CFAP46: variants seen among roughly 807,000 people sequenced by gnomAD.
The protein encoded by CFAP46 is cilia- and flagella-associated protein 46.
A neutral mutation model predicts 325.7 loss-of-function variants in CFAP46; 245 were observed. The ratio of observed to expected loss-of-function variants is 0.75; its 90% CI spans 0.68 to 0.84. The LOEUF is 0.84. CFAP46 is among the 40% of genes least tolerant of loss of function. The probability of loss-of-function intolerance (pLI) is 0.00; values close to 1 mark genes in which losing one functional copy is unlikely to be tolerated. For synonymous variants in CFAP46, 1,523 were observed against 1,495.9 expected (o/e 1.02, Z -0.42); for missense variants, 3,346 against 3,543.0 (o/e 0.94, Z 1.41).
At chr10:132,912,530 TCTCTC>T (rs1226823559) in intron 19 of CFAP46, 120 bp downstream of exon 19, 1 of 697,212 alleles carries the variant, frequency 1.4e-6, no homozygotes, top group South Asian at 2.3e-5. Context: ...TCTCTTCACC[TCTCTC>T]CTCTCCTCTC....
At chr10:132,837,043 G>A in intron 44 of CFAP46, 129 bp from the exon 45 acceptor site, 1 of 702,342 alleles carries the variant, frequency 1.4e-6, no homozygotes, top group Non-Finnish European at 2.4e-6. Flanking sequence ...CCTGCCCGAG[G>A]CTGGGCCCTT....
At position 132,885,235 on chromosome 10, in the gene CFAP46, A is replaced by G. The variant is rs923136943; in HGVS notation, c.3495T>C (p.Phe1165=). 1.4e-5 allele frequency: 21 copies of G among 1,550,274 alleles called. No homozygotes were observed. Among genetic ancestry groups the G allele is most frequent in the Non-Finnish European group, 1.8e-5 (21 of 1,146,916 alleles). ...VIVKAKLGQN[F]SMEIQKFKAE... ...CCTTGAATTTCTGTATTTCCATCGAAAAATTCTGCCCGAGCTTGGCCTTCA... is the reference window on the plus strand; with the variant it reads ...CCTTGAATTTCTGTATTTCCATCGAGAAATTCTGCCCGAGCTTGGCCTTCA... Residue 1165 remains phenylalanine, a synonymous_variant, in exon 27 of 58, where the codon TTT becomes TTC. Coordinates refer to ENST00000368586, the MANE Select transcript of CFAP46 (RefSeq NM_001200049.3).
Position 132,837,632 on chromosome 10 carries a change from GAC to G in CFAP46, c.6439-720_6439-719del, listed in dbSNP as rs201327070. Reference sequence around the variant, plus strand: ...ACGCACACGTACACAGACATGCACGGACACACACGCACACGTACACAGATGCA... The same window carrying G: ...ACGCACACGTACACAGACATGCACGGACACACGCACACGTACACAGATGCA... On this transcript the variant is annotated intron_variant, in intron 44 of 57. Coordinates refer to ENST00000368586, the MANE Select transcript of CFAP46 (RefSeq NM_001200049.3). 1.7e-3 allele frequency among the ~76,000 whole-genome samples: 172 copies of G among 98,350 alleles called. 4 individuals are homozygous for G. The highest frequency in any genetic ancestry group is 8.5e-3 in the East Asian group (27 of 3,176). The allele number at this position is 98,350 out of a possible 152,430, so 64.5% of individuals were successfully genotyped here.
At chr10:132,880,741 C>A in intron 28 of CFAP46, 120 bp downstream of exon 28, 1 of 1,231,028 alleles carries the variant, frequency 8.1e-7, no homozygotes, top group East Asian at 2.6e-5. Context: ...GTCAGGGGCT[C>A]CTGGCCTCCA....
At chr10:132,820,516 G>GCTGATGTGTGCTGTGTGTGCA in intron 50 of CFAP46, among the ~76,000 whole-genome samples, 6 of 147,184 alleles carry the variant, frequency 4.1e-5, no homozygotes, top group East Asian at 4.0e-4. Flanking sequence ...TGCTGTGAGT[G>GCTGATGTGTGCTGTGTGTGCA]CTGATGTGTG....
In CFAP46 at chr10:132,929,688, G is replaced by T; in HGVS notation, c.966+17C>A. On this transcript the variant is annotated intron_variant, in intron 9 of 57. Coordinates refer to ENST00000368586, the MANE Select transcript of CFAP46 (RefSeq NM_001200049.3). The stretch of plus-strand genomic sequence containing the variant: ...CAGCGCCTCATCCCCAGGCAGCAGT[G>T]TCATGAAGCCACTTACTTTGCTTTC... 1 of 1,608,464 alleles carries T rather than the reference G, an allele frequency of 6.2e-7. No individual in the cohort carries two copies. Among genetic ancestry groups the T allele is most frequent in the Non-Finnish European group, 8.5e-7 (1 of 1,174,954 alleles).
chr10:132,909,456 G>A (rs1411998831), intron 20 of CFAP46, among the ~76,000 whole-genome samples: 9 of 152,232 alleles, frequency 5.9e-5, no homozygotes, highest in Non-Finnish European at 1.2e-4. Flanking sequence ...GCCCCCATGT[G>A]TGAGGCAGCC....
intron 29 of CFAP46, among the ~76,000 whole-genome samples, chr10:132,878,605 C>T (rs575712139): frequency 6.6e-6 from 1 of 152,198 alleles, no homozygotes; most frequent in East Asian, 1.9e-4. Flanking sequence ...ATGAGAATAA[C>T]ATTGAGCAAT....
intron 46 of CFAP46, 83 bp from the exon 47 acceptor site, chr10:132,835,517 G>A (rs1291887718): frequency 1.3e-6 from 2 of 1,542,334 alleles, no homozygotes; most frequent in African/African-American, 1.4e-5. Flanking sequence ...ACTGGGAAAA[G>A]GGCTGCTGTC....
Position 132,938,507 on chromosome 10 carries a change from C to A in CFAP46, c.536+82G>T, listed in dbSNP as rs1219331957. The stretch of plus-strand genomic sequence containing the variant: ...CCCAGTGATGTGGAACTCCCGTCCC[C>A]CCCCCGGAGAAGGGGTGGTGGCCTC... On this transcript the variant is annotated intron_variant, in intron 5 of 57. Coordinates refer to ENST00000368586, the MANE Select transcript of CFAP46 (RefSeq NM_001200049.3). 5 of 1,364,716 alleles carry A rather than the reference C, an allele frequency of 3.7e-6. No homozygotes were observed. In the East Asian group the frequency reaches 9.2e-5, roughly 25 times the overall value. The allele number at this position is 1,364,716 out of a possible 1,614,324, so 84.5% of individuals were successfully genotyped here.
chr10:132,859,520 C>A (rs147772925), intron 37 of CFAP46, among the ~76,000 whole-genome samples: 3 of 151,540 alleles, frequency 2.0e-5, no homozygotes, highest in African/African-American at 7.3e-5. Context: ...AGTATCCAGG[C>A]GGAAATTCAA....
chr10:132,831,363 G>A (rs1340403493), intron 50 of CFAP46, among the ~76,000 whole-genome samples: 2 of 151,998 alleles, frequency 1.3e-5, no homozygotes, highest in South Asian at 2.1e-4. Context: ...AGCCATCCTC[G>A]GGTACGTCTT....
intron 3 of CFAP46, 67 bp downstream of exon 3, chr10:132,941,523 CT>C: frequency 6.4e-7 from 1 of 1,557,254 alleles, no homozygotes; most frequent in Non-Finnish European, 8.7e-7. Context: ...CTGGTCTAGC[CT>C]GGCATTGCTC....
chr10:132,926,322 G>A (rs1007052437), intron 10 of CFAP46, among the ~76,000 whole-genome samples: 3 of 152,290 alleles, frequency 2.0e-5, no homozygotes, highest in Admixed American at 6.5e-5. Flanking sequence ...AGAGGGAGTC[G>A]CATCCCAGCC....
At position 132,827,685 on chromosome 10, in the gene CFAP46, C is replaced by T. The variant is rs996857370; in HGVS notation, c.7117+5673G>A. Among the ~76,000 whole-genome samples, 1 of 152,002 alleles carries T rather than the reference C, an allele frequency of 6.6e-6. No individual in the cohort carries two copies. Among genetic ancestry groups the T allele is most frequent in the Non-Finnish European group, 1.5e-5 (1 of 68,012 alleles). On this transcript the variant is annotated intron_variant, in intron 50 of 57. Transcript: ENST00000368586. This position sits in a 1 kb window ranked among gnomAD's most constrained non-coding sequence, Gnocchi z 5.7. ...GCACGCCAGCAAGTCATCGCCACAG[C>T]GAAGGTCACGGCACACCCAGCCCCA...
chr10:132,890,555 G>C (rs1039701060), intron 25 of CFAP46, among the ~76,000 whole-genome samples: 2 of 152,086 alleles, frequency 1.3e-5, no homozygotes, highest in South Asian at 2.1e-4. Context: ...CCAGAGGAGC[G>C]GGTAGGGATT....
At position 132,912,765 on chromosome 10, in the gene CFAP46, T is replaced by A. The variant is rs1294973121; in HGVS notation, c.2389A>T (p.Ser797Cys). The change falls in exon 19 of 58, where the codon AGC (serine) becomes TGC (cysteine). Residue 797 changes from serine to cysteine, a missense_variant. By Grantham distance (112) the Ser-to-Cys change is moderately radical (BLOSUM62 -1). Coordinates refer to ENST00000368586, the MANE Select transcript of CFAP46 (RefSeq NM_001200049.3). ...CNTLARGLII[S>C]WIPVQAAEKS... ...TCGGCAGCCTGGACTGGAATCCAGCTGATGATCAGGCCTCGCGCCAAGGTG... is the reference window on the plus strand; with the variant it reads ...TCGGCAGCCTGGACTGGAATCCAGCAGATGATCAGGCCTCGCGCCAAGGTG... 1.9e-6 allele frequency: 3 copies of A among 1,550,322 alleles called. No homozygotes were observed. The highest frequency in any genetic ancestry group is 1.7e-6 in the Non-Finnish European group (2 of 1,146,994).
At position 132,847,124 on chromosome 10, in the gene CFAP46, A is replaced by G. The variant is rs1410723554; in HGVS notation, c.6088-13T>C. ...GAACCATCCTCCTCTGTGGGGCACA[A>G]GGCTCAGGCTCAGGCCAGGCTCCGG... On this transcript the variant is annotated splice_polypyrimidine_tract_variant and intron_variant, in intron 42 of 57. Coordinates refer to ENST00000368586, the MANE Select transcript of CFAP46 (RefSeq NM_001200049.3). This position sits in a 1 kb window ranked among gnomAD's most constrained non-coding sequence, Gnocchi z 5.2. 6.2e-7 allele frequency: 1 copy of G among 1,607,912 alleles called. No individual in the cohort carries two copies. The highest frequency in any genetic ancestry group is 2.2e-5 in the East Asian group (1 of 44,766).
Position 132,942,559 on chromosome 10 carries a change from C to T in CFAP46, c.-75G>A, listed in dbSNP as rs895851593. ...TGCCGCCCACTGTCGGTTGGGTTCT[C>T]CAGCCGCGAGGACCCGGCCACGGTT... On this transcript the variant is annotated 5_prime_UTR_variant, in exon 1 of 58. Transcript: ENST00000368586. 1.7e-6 allele frequency: 2 copies of T among 1,204,022 alleles called. No homozygotes were observed. The highest frequency in any genetic ancestry group is 3.1e-5 in the African/African-American group (2 of 63,518). The allele number at this position is 1,204,022 out of a possible 1,614,324, so 74.6% of individuals were successfully genotyped here.
Sources: gnomAD v4.1 joint callset for allele counts (sites outside exome capture counted in the v4.1 genomes callset) on GRCh38, gnomAD v4.1.1 for gene constraint, Gnocchi (gnomAD v3.1) non-coding constraint, MANE v1.5 for transcripts, NCBI Gene and HGNC (gene_info 2026-07-23, HGNC 2026-07-21) for gene names.